COMMD1: variants seen among roughly 807,000 people sequenced by gnomAD.
COMMD1 encodes the protein copper metabolism domain containing 1, also known as COMM domain-containing protein 1.
In COMMD1, 10 loss-of-function variants were observed where a neutral mutation model predicts 17.2. That is an observed-to-expected ratio of 0.58 (90% confidence interval 0.36 to 0.99). The LOEUF is 0.99. Among genes scored for constraint, COMMD1 ranks in the 50% least tolerant of loss-of-function variants. COMMD1 has a pLI of 0.01. For synonymous variants in COMMD1, 97 were observed against 91.6 expected (o/e 1.06, Z -0.34); for missense variants, 270 against 231.8 (o/e 1.17, Z -1.07).
chr2:61,902,601 T>C (rs1007076977), upstream of COMMD1, among the ~76,000 whole-genome samples: 3 of 152,040 alleles, frequency 2.0e-5, no homozygotes, highest in Non-Finnish European at 2.9e-5. Flanking sequence ...CCAATAAATA[T>C]AGTAAAAAAA....
At chr2:61,983,266 T>C (rs935091768) in intron 1 of COMMD1, among the ~76,000 whole-genome samples, 1 of 151,460 alleles carries the variant, frequency 6.6e-6, no homozygotes, top group Non-Finnish European at 1.5e-5. Context: ...CTTGGCTTAC[T>C]GCAACCTCCG....
intron 2 of COMMD1, among the ~76,000 whole-genome samples, chr2:62,008,791 T>C (rs79050572): frequency 6.6e-6 from 1 of 151,370 alleles, no homozygotes; most frequent in African/African-American, 2.4e-5. Flanking sequence ...TGTTTATTTA[T>C]TTACTTACTT....
chr2:62,009,765 A>G (rs1213122059), intron 2 of COMMD1, among the ~76,000 whole-genome samples: 1 of 152,090 alleles, frequency 6.6e-6, no homozygotes, highest in Non-Finnish European at 1.5e-5. Context: ...CTTTGTGGAG[A>G]AGGGAATGTT....
intron 2 of COMMD1, among the ~76,000 whole-genome samples, chr2:62,001,631 A>G (rs1011779656): frequency 2.2e-4 from 33 of 151,286 alleles, no homozygotes; most frequent in Non-Finnish European, 3.2e-4. Context: ...GTCTTTGGGG[A>G]AAAAAAAAGA....
intron 2 of COMMD1, among the ~76,000 whole-genome samples, chr2:62,088,171 A>G (rs1430827961): frequency 6.6e-6 from 1 of 151,974 alleles, no homozygotes; most frequent in Non-Finnish European, 1.5e-5. Context: ...TGTCTTCCTC[A>G]GTACTTCATT....
intron 1 of COMMD1, among the ~76,000 whole-genome samples, chr2:61,978,792 G>A (rs183595752): frequency 4.6e-5 from 7 of 152,208 alleles, no homozygotes; most frequent in African/African-American, 1.7e-4. Context: ...GAGACAAAGG[G>A]GAAGTTGTCA....
intron 2 of COMMD1, among the ~76,000 whole-genome samples, chr2:62,093,531 T>C (rs1671903683): frequency 6.6e-6 from 1 of 152,188 alleles, no homozygotes; most frequent in Non-Finnish European, 1.5e-5. Flanking sequence ...CTCCCTTCTG[T>C]TTCTCTTGAG....
At chr2:61,971,224 G>A (rs1015985673) in intron 1 of COMMD1, among the ~76,000 whole-genome samples, 6 of 152,222 alleles carry the variant, frequency 3.9e-5, no homozygotes, top group African/African-American at 9.6e-5. Context: ...GCTGGTTGCC[G>A]TGAGAGCACA....
intron 1 of COMMD1, among the ~76,000 whole-genome samples, chr2:61,994,934 T>A (rs922297245): frequency 6.6e-6 from 1 of 152,054 alleles, no homozygotes; most frequent in Non-Finnish European, 1.5e-5. Context: ...CCAGTCCCCA[T>A]GGCCACTAGC....
intron 1 of COMMD1, among the ~76,000 whole-genome samples, chr2:61,983,329 A>G (rs1427171742): frequency 4.6e-5 from 7 of 151,926 alleles, no homozygotes; most frequent in African/African-American, 1.7e-4. Flanking sequence ...AGTTAGGACT[A>G]CAGGCACGTG....
intron 2 of COMMD1, among the ~76,000 whole-genome samples, chr2:62,105,552 G>A (rs908492020): frequency 2.0e-5 from 3 of 152,080 alleles, no homozygotes; most frequent in Non-Finnish European, 4.4e-5. Flanking sequence ...GGCTGGGTGC[G>A]GTGGCTCACG....
rs796461790 is a variant in COMMD1 at position 61,939,476 on chromosome 2, G to GA, written c.180+33630dup. Among the ~76,000 whole-genome samples, 289 of 135,398 alleles carry GA rather than the reference G, an allele frequency of 2.1e-3. 1 individual carries two copies. The highest frequency in any genetic ancestry group is 9.5e-3 in the East Asian group (45 of 4,720). 88.8% of individuals were successfully genotyped at this position (135,398 alleles called of 152,430 possible). The stretch of plus-strand genomic sequence containing the variant: ...GCAAGACTCCGTCTCAGAAAAAAAA[G>GA]AAAAAAAAAAAAGAATTGATTGGCT... On this transcript the variant is annotated intron_variant, in intron 1 of 2. Transcript: ENST00000311832.
intron 2 of COMMD1, among the ~76,000 whole-genome samples, chr2:62,002,398 G>A (rs1362011672): frequency 8.0e-6 from 1 of 124,996 alleles, no homozygotes; most frequent in African/African-American, 3.0e-5. Context: ...GGCTGAGGCA[G>A]GAGAATCGCT....
chr2:62,060,736 A>C (rs1277743543), intron 2 of COMMD1, among the ~76,000 whole-genome samples: 2 of 152,116 alleles, frequency 1.3e-5, no homozygotes, highest in Non-Finnish European at 2.9e-5. Flanking sequence ...CTTGATGGAT[A>C]TTTTTGATGA....
At chr2:62,005,208 A>G (rs1275988000) in intron 2 of COMMD1, among the ~76,000 whole-genome samples, 1 of 152,240 alleles carries the variant, frequency 6.6e-6, no homozygotes, top group African/African-American at 2.4e-5. Flanking sequence ...AAAGGTAGCC[A>G]AAATAATTGG....
chr2:62,052,074 T>C (rs1670552247), intron 2 of COMMD1, among the ~76,000 whole-genome samples: 1 of 152,188 alleles, frequency 6.6e-6, no homozygotes, highest in Non-Finnish European at 1.5e-5. Flanking sequence ...CTCTTAACCA[T>C]CCTGTTGCTC....
intron 1 of COMMD1, among the ~76,000 whole-genome samples, chr2:61,893,018 C>T (rs946768761): frequency 6.6e-5 from 10 of 151,872 alleles, no homozygotes; most frequent in Admixed American, 6.5e-5. Context: ...TAGGCATGCG[C>T]CACCGTGGTC....
intron 2 of COMMD1, among the ~76,000 whole-genome samples, chr2:62,022,674 AT>A (rs1160939462): frequency 6.6e-6 from 1 of 151,398 alleles, no homozygotes; most frequent in Non-Finnish European, 1.5e-5. Flanking sequence ...GAATAAAATG[AT>A]TTTTGTAAAT....
intron 2 of COMMD1, among the ~76,000 whole-genome samples, chr2:62,067,742 C>A (rs1671093438): frequency 6.6e-6 from 1 of 152,162 alleles, no homozygotes; most frequent in South Asian, 2.1e-4. Context: ...CTTGGCCTTT[C>A]TCTGTAAGAT....
Sources: allele counts gnomAD v4.1 joint callset (sites outside exome capture counted in the v4.1 genomes callset), GRCh38; gene constraint gnomAD v4.1.1; transcripts MANE v1.5; gene names NCBI Gene and HGNC (gene_info 2026-07-23, HGNC 2026-07-21).